Variants in TCF12 observed in about 807,000 individuals in gnomAD.
TCF12 encodes the protein DNA-binding protein HTF4.
Under a neutral mutation model 86.0 loss-of-function variants are expected in TCF12, and 45 were observed. The observed-to-expected ratio is 0.52, with a 90% CI of 0.41 to 0.67. The LOEUF is 0.67. Among genes scored for constraint, TCF12 ranks in the 30% least tolerant of loss-of-function variants. TCF12 has a pLI of 0.00. For synonymous variants in TCF12, 330 were observed against 299.6 expected (o/e 1.10, Z -1.05); for missense variants, 881 against 859.9 (o/e 1.02, Z -0.31).
intron 3 of TCF12, among the ~76,000 whole-genome samples, chr15:57,056,399 C>G (rs1481314154): frequency 6.6e-6 from 1 of 152,148 alleles, no homozygotes; most frequent in Non-Finnish European, 1.5e-5. Flanking sequence ...GCCTCAGCCT[C>G]CCGTAGTGCT....
At chr15:57,236,900 C>T (rs2059403159) in intron 12 of TCF12, among the ~76,000 whole-genome samples, 1 of 151,350 alleles carries the variant, frequency 6.6e-6, no homozygotes, top group South Asian at 2.1e-4. Flanking sequence ...GGTATTCGTG[C>T]CATTTCTAAT....
chr15:57,196,527 T>C (rs1177904058), intron 7 of TCF12, among the ~76,000 whole-genome samples: 1 of 152,236 alleles, frequency 6.6e-6, no homozygotes, highest in Non-Finnish European at 1.5e-5. Flanking sequence ...ATGTGTTCTC[T>C]CTTCCTAATA....
At chr15:57,218,879 T>C (rs144801231) in intron 8 of TCF12, among the ~76,000 whole-genome samples, 2 of 152,344 alleles carry the variant, frequency 1.3e-5, no homozygotes, top group Non-Finnish European at 2.9e-5. Flanking sequence ...GCTTAAAGTA[T>C]GGTTTGTTCT....
At chr15:57,001,715 T>G (rs189952486) in intron 3 of TCF12, among the ~76,000 whole-genome samples, 118 of 152,328 alleles carry the variant, frequency 7.7e-4, no homozygotes, top group Admixed American at 1.6e-3. Context: ...AATTTTTTTG[T>G]CAGTAAAATT....
At chr15:57,220,134 CTT>C (rs2058521973) in intron 8 of TCF12, among the ~76,000 whole-genome samples, 1 of 152,244 alleles carries the variant, frequency 6.6e-6, no homozygotes, top group South Asian at 2.1e-4. Context: ...AGAAAATAAA[CTT>C]GAGTTTCTGA....
chr15:57,173,508 AAGG>A (rs1274298105), intron 6 of TCF12, among the ~76,000 whole-genome samples: 1 of 152,126 alleles, frequency 6.6e-6, no homozygotes, highest in Non-Finnish European at 1.5e-5. Flanking sequence ...ACACAAGGGG[AAGG>A]AGAAGAGAAC....
chr15:57,160,692 G>GTTTTGTT (rs1316964000), intron 5 of TCF12, among the ~76,000 whole-genome samples: 2 of 151,810 alleles, frequency 1.3e-5, no homozygotes, highest in African/African-American at 4.8e-5. Flanking sequence ...TTTTGTTTGT[G>GTTTTGTT]TTTTGTTTTT....
Position 57,252,657 on chromosome 15 carries a change from G to A in TCF12, c.1260+165G>A, listed in dbSNP as rs897486794. Among the ~76,000 whole-genome samples the A allele has an allele frequency of 2.0e-5, 3 of 152,072 alleles. No homozygotes were observed. In the South Asian group the frequency reaches 6.2e-4, roughly 32 times the overall value. On this transcript the variant is annotated intron_variant, in intron 15 of 20. Coordinates refer to ENST00000333725, the MANE Select transcript of TCF12 (RefSeq NM_207037.2). ...TAGGAATAATTTTGTCTCTTATGTT[G>A]TTGAAAGTGATCCTTTTTAAAACAG...
At chr15:57,090,134 C>G (rs2048899164) in intron 4 of TCF12, among the ~76,000 whole-genome samples, 3 of 152,076 alleles carry the variant, frequency 2.0e-5, no homozygotes, top group Non-Finnish European at 4.4e-5. Context: ...GGGAGGATCA[C>G]TTGAGCCTGG....
At chr15:57,179,152 A>G (rs1342918860) in intron 6 of TCF12, among the ~76,000 whole-genome samples, 3 of 152,168 alleles carry the variant, frequency 2.0e-5, no homozygotes, top group Non-Finnish European at 4.4e-5. Context: ...TAGCACTGTA[A>G]TATTACATGC....
intron 6 of TCF12, among the ~76,000 whole-genome samples, chr15:57,175,275 T>C (rs2055827750): frequency 6.6e-6 from 1 of 152,136 alleles, no homozygotes; most frequent in African/African-American, 2.4e-5. Context: ...GGGGTATCAC[T>C]TGAGCCCAGG....
intron 3 of TCF12, among the ~76,000 whole-genome samples, chr15:57,063,239 G>C (rs1380807746): frequency 6.6e-6 from 1 of 152,140 alleles, no homozygotes; most frequent in Non-Finnish European, 1.5e-5. Context: ...AACTAATGTT[G>C]ATTTGATATG....
At chr15:57,212,059 T>C (rs1190057405) in intron 8 of TCF12, among the ~76,000 whole-genome samples, 1 of 151,752 alleles carries the variant, frequency 6.6e-6, no homozygotes, top group Non-Finnish European at 1.5e-5. Context: ...GGATCACAGC[T>C]TGAATCTTGA....
At chr15:57,270,942 C>A (rs184770663) in intron 18 of TCF12, among the ~76,000 whole-genome samples, 1 of 152,120 alleles carries the variant, frequency 6.6e-6, no homozygotes, top group African/African-American at 2.4e-5. Flanking sequence ...CTGGAAGCTT[C>A]GTCCCAGAGG....
chr15:57,169,971 A>G (rs1168264427), intron 6 of TCF12, among the ~76,000 whole-genome samples: 1 of 152,208 alleles, frequency 6.6e-6, no homozygotes, highest in African/African-American at 2.4e-5. Context: ...TTAAACCTAA[A>G]TGTGTAGCGC....
intron 3 of TCF12, among the ~76,000 whole-genome samples, chr15:56,965,793 A>C (rs2061976853): frequency 6.6e-6 from 1 of 152,170 alleles, no homozygotes; most frequent in African/African-American, 2.4e-5. Context: ...CGAGTGAAAA[A>C]AACTCTTGCA....
At chr15:57,146,249 C>T (rs941759650) in intron 5 of TCF12, among the ~76,000 whole-genome samples, 1 of 151,942 alleles carries the variant, frequency 6.6e-6, no homozygotes, top group Admixed American at 6.6e-5. Flanking sequence ...ACAGGAGAAC[C>T]AATACCAAAG....
chr15:57,267,295 C>T (rs2060914860), intron 18 of TCF12, among the ~76,000 whole-genome samples: 1 of 152,116 alleles, frequency 6.6e-6, no homozygotes, highest in South Asian at 2.1e-4. Context: ...AACACCTAAA[C>T]ATTTATCTTG....
intron 13 of TCF12, among the ~76,000 whole-genome samples, chr15:57,244,750 C>G (rs2059782958): frequency 6.6e-6 from 1 of 151,990 alleles, no homozygotes; most frequent in Non-Finnish European, 1.5e-5. Flanking sequence ...AGGCGTGACC[C>G]ACTGCGCCCG....
Sources: gnomAD v4.1 joint callset for allele counts (sites outside exome capture counted in the v4.1 genomes callset) on GRCh38, gnomAD v4.1.1 for gene constraint, MANE v1.5 for transcripts, NCBI Gene and HGNC (gene_info 2026-07-23, HGNC 2026-07-21) for gene names.